Variants in PTPRG observed in about 807,000 individuals in gnomAD.
PTPRG encodes the protein receptor-type tyrosine-protein phosphatase gamma.
Under a neutral mutation model 165.3 loss-of-function variants are expected in PTPRG, and 102 were observed. The ratio of observed to expected loss-of-function variants is 0.62; its 90% CI spans 0.53 to 0.73. The LOEUF (loss-of-function observed/expected upper bound fraction) is 0.73. Among genes scored for constraint, PTPRG ranks in the 30% least tolerant of loss-of-function variants. The pLI is 0.00. For synonymous variants in PTPRG, 675 were observed against 669.5 expected, an observed-to-expected ratio of 1.01 and a Z score of -0.13; for missense variants, 1,866 against 1,861.4, an observed-to-expected ratio of 1.00 and a Z score of -0.05.
intron 2 of PTPRG, among the ~76,000 whole-genome samples, chr3:61,872,200 T>G (rs2037603802): frequency 6.6e-6 from 1 of 152,192 alleles, no homozygotes; most frequent in South Asian, 2.1e-4. Context: ...AGCTACTGTT[T>G]GAAAGACAAT....
chr3:61,971,737 G>T (rs1223284112), intron 2 of PTPRG, among the ~76,000 whole-genome samples: 5 of 152,186 alleles, frequency 3.3e-5, no homozygotes, highest in African/African-American at 1.2e-4. Flanking sequence ...TGTAGTGATG[G>T]TCGTACAACT....
rs1702953429 is a variant in PTPRG at position 62,118,739 on chromosome 3, C to G, written c.616-13863C>G. On this transcript the variant is annotated intron_variant, in intron 5 of 29. Coordinates refer to ENST00000474889, the MANE Select transcript of PTPRG (RefSeq NM_002841.4). ...CAGTGGAAAAATAATGCCTGTGTCA[C>G]AGGCATCTTTTCATTTTACCCCTGC... 2.0e-5 allele frequency among the ~76,000 whole-genome samples: 3 copies of G among 152,154 alleles called. No homozygotes were observed. The South Asian group carries it at 6.2e-4, about 32-fold the overall frequency.
At chr3:61,647,352 A>G (rs1702226234) in intron 1 of PTPRG, among the ~76,000 whole-genome samples, 1 of 152,196 alleles carries the variant, frequency 6.6e-6, no homozygotes, top group Non-Finnish European at 1.5e-5. Context: ...CACCATACAC[A>G]TACTATCTAA....
intron 4 of PTPRG, among the ~76,000 whole-genome samples, chr3:62,069,700 G>GCACA (rs1459518475): frequency 1.4e-4 from 16 of 113,758 alleles, no homozygotes; most frequent in African/African-American, 5.1e-4. Context: ...ACAGACACAC[G>GCACA]CACACACACA....
chr3:61,588,380 A>AT (rs1700487325), intron 1 of PTPRG, among the ~76,000 whole-genome samples: 3 of 151,458 alleles, frequency 2.0e-5, no homozygotes, highest in African/African-American at 7.3e-5. Context: ...ATTTAAGGAT[A>AT]ATTTTTTTTT....
intron 6 of PTPRG, among the ~76,000 whole-genome samples, chr3:62,137,457 T>C (rs75983274): frequency 0.056 from 8,597 of 152,280 alleles, 275 homozygotes; most frequent in African/African-American, 0.078. Flanking sequence ...TGTTCAACTT[T>C]TGAAGCCTTA....
chr3:62,132,790 A>G (rs1306022028), intron 6 of PTPRG, 122 bp downstream of exon 6: 1 of 909,032 alleles, frequency 1.1e-6, no homozygotes, highest in African/African-American at 1.6e-5. Context: ...CCTGATGTTG[A>G]AGGGCATTAG....
chr3:61,903,078 C>G (rs754806268), intron 2 of PTPRG, among the ~76,000 whole-genome samples: 1 of 152,144 alleles, frequency 6.6e-6, no homozygotes, highest in Non-Finnish European at 1.5e-5. Flanking sequence ...GTGTACCTTA[C>G]ACTCTGTCTA....
intron 2 of PTPRG, among the ~76,000 whole-genome samples, chr3:61,970,598 G>A (rs887614942): frequency 1.3e-5 from 2 of 152,156 alleles, no homozygotes; most frequent in Non-Finnish European, 2.9e-5. Context: ...GGATTAGAAG[G>A]AGTTGTTTGG....
Position 61,844,414 on chromosome 3 carries a change from A to G in PTPRG, c.190+95432A>G, listed in dbSNP as rs375783086. On this transcript the variant is annotated intron_variant, in intron 2 of 29. Coordinates refer to ENST00000474889, the MANE Select transcript of PTPRG (RefSeq NM_002841.4). ...TGACAAATAATTTTTTAGGATAAGT[A>G]AATCCCATTCAATATTTGTGACATA... Among the ~76,000 whole-genome samples the G allele has an allele frequency of 2.6e-4, 40 of 152,362 alleles. 1 individual carries two copies. In the East Asian group the frequency reaches 6.7e-3, roughly 26 times the overall value.
rs559378529 is a variant in PTPRG, at chr3:61,800,890, C to T, written c.190+51908C>T. ...AACTCTGGACCTCAGGTGATCCACCCGCCGTCAGCCTCCCAAAGTGCTGGG... is the reference window on the plus strand; with the variant it reads ...AACTCTGGACCTCAGGTGATCCACCTGCCGTCAGCCTCCCAAAGTGCTGGG... On this transcript the variant is annotated intron_variant, in intron 2 of 29. Coordinates refer to ENST00000474889, the MANE Select transcript of PTPRG (RefSeq NM_002841.4). Among the ~76,000 whole-genome samples, 17 of 152,176 alleles carry T rather than the reference C, an allele frequency of 1.1e-4. No individual in the cohort carries two copies. In the South Asian group the frequency reaches 1.5e-3, roughly 13 times the overall value.
chr3:62,195,730 A>G lies in PTPRG; in HGVS notation c.1327+560A>G, dbSNP rs2106819381. ...CAAATGGGACATTTGCCTTTGCTCA[A>G]AATTTTAAGGGGCACCAAAAAATTG... On this transcript the variant is annotated intron_variant, in intron 10 of 29. Transcript: ENST00000474889. The surrounding 1 kb of genome is among the most constrained non-coding windows in gnomAD (Gnocchi z 4.4). Among the ~76,000 whole-genome samples the G allele has an allele frequency of 1.3e-5, 2 of 152,280 alleles. No individual in the cohort carries two copies. The highest frequency in any genetic ancestry group is 4.1e-4 in the South Asian group (2 of 4,820).
At chr3:62,070,926 A>T (rs1412214414) in intron 4 of PTPRG, among the ~76,000 whole-genome samples, 2 of 150,930 alleles carry the variant, frequency 1.3e-5, no homozygotes, top group African/African-American at 2.5e-5. Context: ...CCTAAAACTT[A>T]AAGTATAATT....
In PTPRG at chr3:61,874,503, T is replaced by A. The variant is rs138106882; in HGVS notation, c.191-115122T>A. Among the ~76,000 whole-genome samples the A allele has an allele frequency of 3.5e-3, 520 of 149,742 alleles. 2 individuals carry two copies. The highest frequency in any genetic ancestry group is 0.012 in the African/African-American group (490 of 41,332). On this transcript the variant is annotated intron_variant, in intron 2 of 29. Coordinates refer to ENST00000474889, the MANE Select transcript of PTPRG (RefSeq NM_002841.4). Reference sequence around the variant, plus strand: ...TTTCACTTAAATACCCACCATTCCTTTTTCTTTCTTCCTTTTTTTTTTCTA... The same window carrying A: ...TTTCACTTAAATACCCACCATTCCTATTTCTTTCTTCCTTTTTTTTTTCTA...
In PTPRG at chr3:61,904,963, A is replaced by G. The variant is rs925935338; in HGVS notation, c.191-84662A>G. 7.3e-5 allele frequency among the ~76,000 whole-genome samples: 11 copies of G among 151,294 alleles called. 1 individual carries two copies. Among genetic ancestry groups the G allele is most frequent in the Admixed American group, 6.6e-4 (10 of 15,182 alleles). On this transcript the variant is annotated intron_variant, in intron 2 of 29. Transcript: ENST00000474889. ...GTTGTAAATGGGTAGAAAATTGTCC[A>G]TTTGGTTCCTGCTGTCTGTCTTTTC...
chr3:61,654,154 C>A lies in PTPRG; in HGVS notation c.85+91782C>A, dbSNP rs541761069. ...TGAGAAATGAATCGTGTGTGAATAG[C>A]ATTTACCGTGGAGTCTGGGATGTGG... On this transcript the variant is annotated intron_variant, in intron 1 of 29. Coordinates refer to ENST00000474889, the MANE Select transcript of PTPRG (RefSeq NM_002841.4). 2.0e-5 allele frequency among the ~76,000 whole-genome samples: 3 copies of A among 152,222 alleles called. No homozygotes were observed. In the South Asian group the frequency reaches 6.2e-4, roughly 32 times the overall value.
chr3:61,654,497 A>G lies in PTPRG; in HGVS notation c.85+92125A>G, dbSNP rs146458133. Among the ~76,000 whole-genome samples the G allele has an allele frequency of 9.2e-3, 1,386 of 151,018 alleles. 27 individuals carry two copies. Among genetic ancestry groups the G allele is most frequent in the African/African-American group, 0.029 (1,202 of 41,112 alleles). ...CCTCCCAGGCTCAAGCAATTCTCATACCTCAGCCTCCTGAGTAGATGTGAC... is the reference window on the plus strand; with the variant it reads ...CCTCCCAGGCTCAAGCAATTCTCATGCCTCAGCCTCCTGAGTAGATGTGAC... On this transcript the variant is annotated intron_variant, in intron 1 of 29. Coordinates refer to ENST00000474889, the MANE Select transcript of PTPRG (RefSeq NM_002841.4).
rs951827507 is a variant in PTPRG at position 62,294,071 on chromosome 3, A to G, written c.*764A>G. The G allele has an allele frequency of 2.0e-5, 3 of 152,494 alleles. No homozygotes were observed. The highest frequency in any genetic ancestry group is 4.4e-5 in the Non-Finnish European group (3 of 68,012). 9.4% of individuals were successfully genotyped at this position (152,494 alleles called of 1,614,324 possible). A position where few individuals can be genotyped will look rare whatever the true frequency, so the allele number is the denominator to read the frequency against. Reference sequence around the variant, plus strand: ...TCCATTTTGACTCTCTAAAATAGCTACATCCTAAAATCAGGGCTATCTTTA... The same window carrying G: ...TCCATTTTGACTCTCTAAAATAGCTGCATCCTAAAATCAGGGCTATCTTTA... On this transcript the variant is annotated 3_prime_UTR_variant, in exon 30 of 30. Transcript: ENST00000474889.
At chr3:61,693,694 T>A (rs2030368209) in intron 1 of PTPRG, among the ~76,000 whole-genome samples, 1 of 151,882 alleles carries the variant, frequency 6.6e-6, no homozygotes. Context: ...GGCTTGTGTG[T>A]GGAGAGGAAT....
Sources: allele counts gnomAD v4.1 joint callset (sites outside exome capture counted in the v4.1 genomes callset), GRCh38; gene constraint gnomAD v4.1.1; non-coding constraint Gnocchi (gnomAD v3.1); transcripts MANE v1.5; gene names NCBI Gene and HGNC (gene_info 2026-07-23, HGNC 2026-07-21).